The following MADD variants were observed in gnomAD, a reference collection of about 807,000 sequenced individuals.
MADD encodes MAP kinase-activating death domain protein.
MADD carries 109 observed loss-of-function variants against 176.7 expected under a neutral mutation model. The observed-to-expected ratio is 0.62, with a 90% CI of 0.53 to 0.72. The LOEUF is 0.72. Ranked by LOEUF, MADD falls within the 30% of genes least tolerant of loss-of-function variation. The pLI is 0.00. For missense variants in MADD, 1,914 were observed against 2,045.5 expected, an observed-to-expected ratio of 0.94 and a Z score of 1.24; for synonymous variants, 771 against 771.3, an observed-to-expected ratio of 1.00 and a Z score of 0.01.
At chr11:47,309,312 G>A in exon 24 of MADD, 1 of 1,614,220 alleles carries the variant, frequency 6.2e-7, no homozygotes, top group East Asian at 2.2e-5. Context: ...GGGACCAAAT[G>A]CAATTCTGGG....
At chr11:47,280,986 G>A (rs188320131) in intron 7 of MADD, among the ~76,000 whole-genome samples, 1 of 152,358 alleles carries the variant, frequency 6.6e-6, no homozygotes, top group Admixed American at 6.5e-5. Context: ...ACTCGGGCTT[G>A]TTAAAGTGCA....
chr11:47,313,867 C>T (rs1251959875), intron 26 of MADD, among the ~76,000 whole-genome samples: 1 of 152,050 alleles, frequency 6.6e-6, no homozygotes, highest in Non-Finnish European at 1.5e-5. Flanking sequence ...TCAAGCTATT[C>T]TCCTGCCTCA....
At chr11:47,327,185 C>G (rs1218272976) in intron 31 of MADD, 1 of 1,013,272 alleles carries the variant, frequency 9.9e-7, no homozygotes, top group East Asian at 9.6e-5. Context: ...CTCTAGCAGC[C>G]CAGTGCGCTA....
intron 27 of MADD, among the ~76,000 whole-genome samples, chr11:47,319,188 G>T (rs1210336113): frequency 5.4e-5 from 8 of 148,088 alleles, no homozygotes; most frequent in African/African-American, 1.8e-4. Context: ...CTGGAGTGCA[G>T]TGGCACAATC....
Position 47,276,864 on chromosome 11 carries a change from G to A in MADD, c.1095+1G>A. ...CACCTGCATGGCATCAGCAGAGCAGGTGAGTCTCAAGGCGACTTCCGGCTT... is the reference window on the plus strand; with the variant it reads ...CACCTGCATGGCATCAGCAGAGCAGATGAGTCTCAAGGCGACTTCCGGCTT... On this transcript the variant is annotated splice_donor_variant, in intron 5 of 32. Transcript: ENST00000402192. LOFTEE classifies it high-confidence loss of function. 6.2e-7 allele frequency: 1 copy of A among 1,614,048 alleles called. No individual in the cohort carries two copies. The highest frequency in any genetic ancestry group is 8.5e-7 in the Non-Finnish European group (1 of 1,180,018).
At chr11:47,323,890 G>T (rs2094972965) in intron 28 of MADD, 55 bp downstream of exon 31, 1 of 1,565,586 alleles carries the variant, frequency 6.4e-7, no homozygotes, top group African/African-American at 1.4e-5. Flanking sequence ...ACCAAATAGT[G>T]AATTTCTCTT....
rs532637871 is a variant in MADD at position 47,273,337 on chromosome 11, T to C, written c.-88-490T>C. ...ATAGGTAGGTGAACCATTATTTATC[T>C]ACATTTTTTTTTTTTTCTTGAGACG... On this transcript the variant is annotated intron_variant, in intron 1 of 32. Transcript: ENST00000402192. Among the ~76,000 whole-genome samples the C allele has an allele frequency of 6.1e-4, 20 of 32,530 alleles. No homozygotes were observed. The South Asian group carries it at 0.033, about 54-fold the overall frequency. The allele number at this position is 32,530 out of a possible 152,430, so 21.3% of individuals were successfully genotyped here.
chr11:47,313,512 C>T (rs1007194312), intron 26 of MADD, among the ~76,000 whole-genome samples: 7 of 149,510 alleles, frequency 4.7e-5, no homozygotes, highest in African/African-American at 1.2e-4. Context: ...TTAATAGAGA[C>T]GGGGTTTCAC....
chr11:47,287,898 C>G (rs1244425891), intron 15 of MADD, among the ~76,000 whole-genome samples: 1 of 145,546 alleles, frequency 6.9e-6, no homozygotes, highest in East Asian at 2.0e-4. Flanking sequence ...TCACACCATT[C>G]TGCCTCAGCC....
chr11:47,271,616 C>G (rs1419738788), intron 1 of MADD, among the ~76,000 whole-genome samples: 1 of 152,036 alleles, frequency 6.6e-6, no homozygotes, highest in Non-Finnish European at 1.5e-5. Context: ...GAGAGGGCTC[C>G]GGGTTTTCAA....
exon 24 of MADD, chr11:47,309,372 G>A: frequency 6.2e-7 from 1 of 1,614,214 alleles, no homozygotes; most frequent in Non-Finnish European, 8.5e-7. Context: ...GGATGGGTAT[G>A]GACCAGGGTC....
intron 15 of MADD, 116 bp downstream of exon 16, chr11:47,289,143 C>T: frequency 9.3e-7 from 1 of 1,071,214 alleles, no homozygotes; most frequent in Non-Finnish European, 1.4e-6. Context: ...GACCTGCTTG[C>T]CCCGTCCCCC....
chr11:47,275,268 A>G (rs923213041), intron 3 of MADD, 109 bp downstream of exon 3: 15 of 906,244 alleles, frequency 1.7e-5, no homozygotes, highest in Admixed American at 6.8e-5. Flanking sequence ...CTTCAGACCT[A>G]TTAAGCATAT....
chr11:47,274,112 A>G (rs560696521), intron 2 of MADD, 136 bp downstream of exon 2: 716 of 817,394 alleles, frequency 8.8e-4, no homozygotes, highest in Non-Finnish European at 1.3e-3. Context: ...GGAGCATCGA[A>G]GCCAGTAGGG....
chr11:47,320,467 T>C (rs975163902), intron 27 of MADD, among the ~76,000 whole-genome samples: 2 of 150,888 alleles, frequency 1.3e-5, no homozygotes, highest in South Asian at 2.1e-4. Flanking sequence ...AAAAAAAATT[T>C]AAAAAAATGA....
chr11:47,288,943 A>T, intron 15 of MADD, 25 bp from the exon 16 acceptor site: 2 of 1,565,644 alleles, frequency 1.3e-6, no homozygotes, highest in Non-Finnish European at 8.7e-7. Flanking sequence ...TGGTACACCT[A>T]CTAATTGTGT....
rs1192343881 is a variant in MADD at position 47,279,179 on chromosome 11, G to C, written c.1290+100G>C. The C allele has an allele frequency of 1.6e-5, 19 of 1,158,136 alleles. No individual in the cohort carries two copies. The Admixed American group carries it at 3.8e-4, about 23-fold the overall frequency. The allele number at this position is 1,158,136 out of a possible 1,614,324, so 71.7% of individuals were successfully genotyped here. A position where few individuals can be genotyped will look rare whatever the true frequency, so the allele number is the denominator to read the frequency against. On this transcript the variant is annotated intron_variant, in intron 7 of 32. Coordinates refer to ENST00000402192, the Ensembl canonical transcript of MADD. ...GAGCCAATTTCCTATCAAACTTCAA[G>C]TGGAGTAGTTTTCTTCACCCTGGAT...
intron 22 of MADD, among the ~76,000 whole-genome samples, chr11:47,302,538 G>T (rs1228380060): frequency 6.6e-6 from 1 of 152,132 alleles, no homozygotes; most frequent in Non-Finnish European, 1.5e-5. Flanking sequence ...CATAAAGTCT[G>T]TTTTATCTGA....
At chr11:47,274,971 T>A in exon 3 of MADD, 2 of 1,614,152 alleles carry the variant, frequency 1.2e-6, no homozygotes, top group Non-Finnish European at 1.7e-6. Flanking sequence ...ACCAGTCTCC[T>A]CGGGGCAAAC....
Sources: gnomAD v4.1 joint callset for allele counts (sites outside exome capture counted in the v4.1 genomes callset) on GRCh38, gnomAD v4.1.1 for gene constraint, MANE v1.5 for transcripts, NCBI Gene and HGNC (gene_info 2026-07-23, HGNC 2026-07-21) for gene names.